GNAQ: variants seen among roughly 807,000 people sequenced by gnomAD.
The protein encoded by GNAQ is G protein subunit alpha q.
In GNAQ, 8 loss-of-function variants were observed where a neutral mutation model predicts 43.9. That is an observed-to-expected ratio of 0.18 (90% CI 0.11 to 0.33). The LOEUF (loss-of-function observed/expected upper bound fraction) is 0.33. Among genes scored for constraint, GNAQ ranks in the 10% least tolerant of loss-of-function variants. The probability of loss-of-function intolerance (pLI) is 1.00; values close to 1 mark genes in which losing one functional copy is unlikely to be tolerated. For synonymous variants in GNAQ, 155 were observed against 170.7 expected, an observed-to-expected ratio of 0.91 and a Z score of 0.71; for missense variants, 158 against 450.8, an observed-to-expected ratio of 0.35 and a Z score of 5.88.
intron 1 of GNAQ, among the ~76,000 whole-genome samples, chr9:78,028,923 T>C (rs572610102): frequency 4.7e-4 from 72 of 152,284 alleles, no homozygotes; most frequent in South Asian, 8.3e-4. Flanking sequence ...GCAAAAGCAA[T>C]ATACCAAGAA....
At chr9:77,758,429 A>C (rs1310461827) in intron 5 of GNAQ, among the ~76,000 whole-genome samples, 1 of 152,236 alleles carries the variant, frequency 6.6e-6, no homozygotes, top group African/African-American at 2.4e-5. Context: ...TGTATATTTA[A>C]ATGGCACAAA....
intron 3 of GNAQ, among the ~76,000 whole-genome samples, chr9:77,802,340 A>G (rs1199826066): frequency 6.6e-6 from 1 of 152,170 alleles, no homozygotes; most frequent in Non-Finnish European, 1.5e-5. Flanking sequence ...CTGCCAGGGA[A>G]AAAGGGAACT....
At chr9:77,821,308 C>T (rs1222267650) in intron 2 of GNAQ, among the ~76,000 whole-genome samples, 1 of 152,140 alleles carries the variant, frequency 6.6e-6, no homozygotes, top group East Asian at 1.9e-4. Context: ...TTTATTTGCT[C>T]ATTCTAACAT....
At chr9:77,854,213 G>C (rs1241085441) in intron 2 of GNAQ, among the ~76,000 whole-genome samples, 1 of 152,078 alleles carries the variant, frequency 6.6e-6, no homozygotes, top group East Asian at 1.9e-4. Context: ...TTTTAGCCCA[G>C]AGATGAATGT....
At chr9:77,818,382 TAC>T (rs1240889252) in intron 2 of GNAQ, among the ~76,000 whole-genome samples, 2 of 151,462 alleles carry the variant, frequency 1.3e-5, no homozygotes, top group African/African-American at 4.9e-5. Flanking sequence ...ACAAAATATA[TAC>T]AGATTTTTAA....
At chr9:78,010,063 T>C (rs947561049) in intron 1 of GNAQ, among the ~76,000 whole-genome samples, 12 of 152,240 alleles carry the variant, frequency 7.9e-5, no homozygotes, top group African/African-American at 2.4e-4. Context: ...GTCACACGAA[T>C]GTCAGGGAGG....
intron 2 of GNAQ, among the ~76,000 whole-genome samples, chr9:77,917,877 T>A (rs111507950): frequency 0.01 from 1,527 of 152,294 alleles, 31 homozygotes; most frequent in African/African-American, 0.035. Flanking sequence ...GGACAACAGA[T>A]ACACACTCGG....
At chr9:77,887,395 T>G (rs1018440549) in intron 2 of GNAQ, among the ~76,000 whole-genome samples, 2 of 152,240 alleles carry the variant, frequency 1.3e-5, no homozygotes, top group Non-Finnish European at 2.9e-5. Flanking sequence ...TTAATACTCC[T>G]TTTACCTTCA....
intron 1 of GNAQ, among the ~76,000 whole-genome samples, chr9:77,930,878 C>A (rs948021406): frequency 6.6e-6 from 1 of 152,082 alleles, no homozygotes; most frequent in Non-Finnish European, 1.5e-5. Flanking sequence ...GGAACCGGGC[C>A]GCACAGCAAG....
At chr9:77,838,540 G>T (rs1827431277) in intron 2 of GNAQ, among the ~76,000 whole-genome samples, 1 of 151,908 alleles carries the variant, frequency 6.6e-6, no homozygotes, top group Non-Finnish European at 1.5e-5. Context: ...TCGTTTTCTG[G>T]GTGGGAAGCA....
intron 3 of GNAQ, among the ~76,000 whole-genome samples, chr9:77,802,069 A>G (rs1300585148): frequency 6.6e-6 from 1 of 152,156 alleles, no homozygotes; most frequent in African/African-American, 2.4e-5. Flanking sequence ...TCGGAGGCTT[A>G]GGCATGAGAA....
At chr9:77,940,689 T>C (rs868459757) in intron 1 of GNAQ, among the ~76,000 whole-genome samples, 1 of 152,202 alleles carries the variant, frequency 6.6e-6, no homozygotes, top group African/African-American at 2.4e-5. Context: ...GCAAGTCGGC[T>C]GCGCGCGGTG....
At chr9:77,761,805 A>G (rs1281007799) in intron 5 of GNAQ, among the ~76,000 whole-genome samples, 6 of 60,720 alleles carry the variant, frequency 9.9e-5, no homozygotes, top group Admixed American at 1.5e-4. Flanking sequence ...CTGGGAAGTG[A>G]GGAGCCCCTC....
At chr9:77,791,758 C>G (rs564727914) in intron 5 of GNAQ, among the ~76,000 whole-genome samples, 11 of 152,226 alleles carry the variant, frequency 7.2e-5, no homozygotes, top group African/African-American at 2.6e-4. Flanking sequence ...CCACAGTTTC[C>G]TGGGATAGAA....
intron 5 of GNAQ, among the ~76,000 whole-genome samples, chr9:77,732,184 C>T (rs897028805): frequency 2.0e-5 from 3 of 152,122 alleles, no homozygotes; most frequent in Non-Finnish European, 4.4e-5. Context: ...TCTGCCAGAG[C>T]ATGACGTTTC....
intron 1 of GNAQ, among the ~76,000 whole-genome samples, chr9:77,988,930 G>GAGATGAGTGTCAGCT (rs1191226830): frequency 1.3e-5 from 2 of 152,178 alleles, no homozygotes; most frequent in African/African-American, 4.8e-5. Flanking sequence ...AAGATGATCA[G>GAGATGAGTGTCAGCT]AGATGAGTGT....
chr9:77,778,660 C>A (rs556889065), intron 5 of GNAQ, among the ~76,000 whole-genome samples: 24 of 151,702 alleles, frequency 1.6e-4, no homozygotes, highest in African/African-American at 5.8e-4. Context: ...ATAAAAAAAA[C>A]CACAACCACA....
chr9:77,748,387 G>C (rs1825762269), intron 5 of GNAQ, among the ~76,000 whole-genome samples: 1 of 152,118 alleles, frequency 6.6e-6, no homozygotes, highest in Admixed American at 6.5e-5. Flanking sequence ...CTACTGTTCT[G>C]GGAAATGGAA....
At chr9:77,827,754 C>T (rs1436323603) in intron 2 of GNAQ, among the ~76,000 whole-genome samples, 2 of 152,064 alleles carry the variant, frequency 1.3e-5, no homozygotes, top group Non-Finnish European at 2.9e-5. Flanking sequence ...ATTCCCTTTA[C>T]TTGTTGGTAG....
Sources: allele counts gnomAD v4.1 joint callset (sites outside exome capture counted in the v4.1 genomes callset), GRCh38; gene constraint gnomAD v4.1.1; transcripts MANE v1.5; gene names NCBI Gene and HGNC (gene_info 2026-07-23, HGNC 2026-07-21).